CHST8: variants seen among roughly 807,000 people sequenced by gnomAD.
CHST8 encodes the protein carbohydrate sulfotransferase 8.
In CHST8, 10 loss-of-function variants were observed where a neutral mutation model predicts 15.0. That is an observed-to-expected ratio of 0.67 (90% CI 0.41 to 1.13). The LOEUF is 1.13. Among genes scored for constraint, CHST8 ranks in the 50% most tolerant of loss-of-function variants. CHST8 has a pLI of 0.00. For missense variants in CHST8, 634 were observed against 608.2 expected (o/e 1.04, Z -0.45); for synonymous variants, 259 against 256.6 (o/e 1.01, Z -0.09).
intron 1 of CHST8, among the ~76,000 whole-genome samples, chr19:33,627,734 C>T (rs571213819): frequency 1.3e-5 from 2 of 152,308 alleles, no homozygotes; most frequent in Admixed American, 1.3e-4. Flanking sequence ...CTCAGTCCCA[C>T]ACTCCTGGTG....
At chr19:33,651,131 T>G (rs1972443483) in intron 1 of CHST8, among the ~76,000 whole-genome samples, 1 of 152,240 alleles carries the variant, frequency 6.6e-6, no homozygotes, top group African/African-American at 2.4e-5. Context: ...TTATTTTTAT[T>G]TGTATTGCTT....
At chr19:33,627,078 G>C (rs909884438) in intron 1 of CHST8, among the ~76,000 whole-genome samples, 2 of 123,362 alleles carry the variant, frequency 1.6e-5, no homozygotes, top group Non-Finnish European at 3.2e-5. Context: ...ATGTGAGCCA[G>C]CATGCCTGTC....
At chr19:33,630,569 A>G (rs927718967) in intron 1 of CHST8, among the ~76,000 whole-genome samples, 4 of 151,490 alleles carry the variant, frequency 2.6e-5, no homozygotes, top group African/African-American at 9.7e-5. Flanking sequence ...CAGTCTGTCT[A>G]CACTGGCTGG....
intron 3 of CHST8, among the ~76,000 whole-genome samples, chr19:33,694,765 A>T (rs1214599439): frequency 1.3e-5 from 2 of 152,132 alleles, no homozygotes; most frequent in Non-Finnish European, 2.9e-5. Context: ...TTTTTAGTAG[A>T]GACGGGGTTT....
At chr19:33,671,337 G>A (rs562127839) in intron 2 of CHST8, among the ~76,000 whole-genome samples, 3 of 152,232 alleles carry the variant, frequency 2.0e-5, no homozygotes, top group Admixed American at 6.5e-5. Context: ...ATCCTGGCCC[G>A]AGATTTCTCA....
intron 3 of CHST8, among the ~76,000 whole-genome samples, chr19:33,728,504 G>T (rs1305687464): frequency 6.6e-6 from 1 of 152,212 alleles, no homozygotes; most frequent in Non-Finnish European, 1.5e-5. Context: ...CCAGGCAAAG[G>T]AAAAGGGGCA....
intron 1 of CHST8, among the ~76,000 whole-genome samples, chr19:33,659,217 C>A (rs113054462): frequency 0.03 from 4,591 of 152,054 alleles, 206 homozygotes; most frequent in African/African-American, 0.099. Flanking sequence ...AGGCAAGCGC[C>A]ACCACACCCG....
intron 3 of CHST8, among the ~76,000 whole-genome samples, chr19:33,703,931 G>T (rs557423714): frequency 6.6e-6 from 1 of 152,224 alleles, no homozygotes; most frequent in Non-Finnish European, 1.5e-5. Context: ...CTGCCACTGG[G>T]GAGTCCCTGC....
chr19:33,678,163 G>T (rs1241128834), intron 2 of CHST8, among the ~76,000 whole-genome samples: 1 of 152,190 alleles, frequency 6.6e-6, no homozygotes, highest in East Asian at 1.9e-4. Flanking sequence ...GCACCAAGGG[G>T]TCACTGGGGT....
intron 1 of CHST8, among the ~76,000 whole-genome samples, chr19:33,633,814 T>TGTGTGTGTGTG (rs1972156680): frequency 6.9e-6 from 1 of 145,854 alleles, no homozygotes; most frequent in African/African-American, 2.6e-5. Flanking sequence ...TGTGTGTGTG[T>TGTGTGTGTGTG]TTAAGACAAG....
chr19:33,706,308 G>A (rs1012988826), intron 3 of CHST8, among the ~76,000 whole-genome samples: 6 of 152,184 alleles, frequency 3.9e-5, no homozygotes, highest in East Asian at 1.9e-4. Context: ...TTGTGCACAC[G>A]TGTGTGTGTC....
intron 3 of CHST8, among the ~76,000 whole-genome samples, chr19:33,732,795 A>G (rs764757099): frequency 5.9e-5 from 9 of 152,118 alleles, no homozygotes; most frequent in Non-Finnish European, 1.2e-4. Flanking sequence ...TCTTAGAGGA[A>G]GAGACAAAGC....
At chr19:33,728,731 G>A (rs1326255858) in intron 3 of CHST8, among the ~76,000 whole-genome samples, 1 of 152,186 alleles carries the variant, frequency 6.6e-6, no homozygotes, top group Non-Finnish European at 1.5e-5. Flanking sequence ...GAGGTGCAGG[G>A]GAGCCCAGGC....
rs1029074446 is a variant in CHST8, at chr19:33,667,799, T to G, written c.-131T>G. 19 of 152,162 alleles carry G rather than the reference T, an allele frequency of 1.2e-4. No homozygotes were observed. The highest frequency in any genetic ancestry group is 4.3e-4 in the African/African-American group (18 of 41,422). The allele number at this position is 152,162 out of a possible 1,614,324, so 9.4% of individuals were successfully genotyped here. ...GGTCAACAAGAATATCTTACCTTAA[T>G]TTGACAAGTACGCAAGAAATAATGC... is the stretch of plus-strand genomic sequence containing the variant. On this transcript the variant is annotated 5_prime_UTR_variant, in exon 2 of 5. Coordinates refer to ENST00000650847, the MANE Select transcript of CHST8 (RefSeq NM_001127895.2).
intron 3 of CHST8, among the ~76,000 whole-genome samples, chr19:33,705,442 T>A (rs569567477): frequency 3.9e-5 from 6 of 152,006 alleles, no homozygotes; most frequent in Non-Finnish European, 7.4e-5. Context: ...GAGAGTGGGG[T>A]TCTGGGGAGC....
chr19:33,711,127 C>T (rs981892010), intron 3 of CHST8, among the ~76,000 whole-genome samples: 3 of 152,158 alleles, frequency 2.0e-5, no homozygotes, highest in African/African-American at 7.2e-5. Flanking sequence ...CTGCCTTGGC[C>T]TTTCAGAGTG....
intron 3 of CHST8, among the ~76,000 whole-genome samples, chr19:33,736,923 G>A (rs284676): frequency 0.42 from 63,448 of 151,890 alleles, 14,713 homozygotes; most frequent in East Asian, 0.89. Context: ...GCCAAAACCC[G>A]CCAAAACCAA....
intron 3 of CHST8, among the ~76,000 whole-genome samples, chr19:33,695,224 G>A (rs1973187800): frequency 6.6e-6 from 1 of 152,154 alleles, no homozygotes; most frequent in Admixed American, 6.6e-5. Context: ...GAGATTACAG[G>A]TGTGAGCCAC....
chr19:33,672,311 C>T (rs192832593), intron 2 of CHST8, among the ~76,000 whole-genome samples: 311 of 152,224 alleles, frequency 2.0e-3, no homozygotes, highest in African/African-American at 6.8e-3. Flanking sequence ...AATCCTCCTG[C>T]CTCAGCCTCC....
Sources: gnomAD v4.1 joint callset for allele counts (sites outside exome capture counted in the v4.1 genomes callset) on GRCh38, gnomAD v4.1.1 for gene constraint, MANE v1.5 for transcripts, NCBI Gene and HGNC (gene_info 2026-07-23, HGNC 2026-07-21) for gene names.